Variants in C17orf75 observed in about 807,000 individuals in gnomAD.
The protein encoded by C17orf75 is chromosome 17 open reading frame 75.
C17orf75 carries 32 observed loss-of-function variants against 49.6 expected under a neutral mutation model. The observed-to-expected ratio is 0.65, with a 90% CI of 0.49 to 0.87. The LOEUF is 0.87. C17orf75 is among the 40% of genes least tolerant of loss of function. The pLI is 0.00. For missense variants in C17orf75, 428 were observed against 473.9 expected, an observed-to-expected ratio of 0.90 and a Z score of 0.90; for synonymous variants, 158 against 159.5, an observed-to-expected ratio of 0.99 and a Z score of 0.07.
chr17:32,347,894 T>C (rs975940403), intron 1 of C17orf75, among the ~76,000 whole-genome samples: 1 of 152,172 alleles, frequency 6.6e-6, no homozygotes, highest in Non-Finnish European at 1.5e-5. Flanking sequence ...TATTTTTTCA[T>C]AGAGATGGTC....
At chr17:32,342,359 T>G, upstream of C17orf75, 1 of 631,074 alleles carries the variant, frequency 1.6e-6, no homozygotes, top group East Asian at 3.9e-5. Context: ...GCTTTTACCA[T>G]TTATTTTGAA....
intron 1 of C17orf75, among the ~76,000 whole-genome samples, chr17:32,347,873 ATTTTTC>A (rs1413384557): frequency 6.6e-6 from 1 of 151,822 alleles, no homozygotes; most frequent in Non-Finnish European, 1.5e-5. Context: ...AAACTTTTTC[ATTTTTC>A]AATTTATTTT....
At chr17:32,348,166 CCCCACCA>C (rs2041440467) in intron 1 of C17orf75, among the ~76,000 whole-genome samples, 1 of 151,794 alleles carries the variant, frequency 6.6e-6, no homozygotes, top group African/African-American at 2.4e-5. Context: ...TACAGGCGTG[CCCCACCA>C]CGCCTGGCTA....
chr17:32,339,916 G>A lies in C17orf75; in HGVS notation c.244C>T (p.Leu82=). 6.2e-7 allele frequency: 1 copy of A among 1,614,014 alleles called. No homozygotes were observed. Residue 82 remains leucine, a synonymous_variant, in exon 3 of 10, where the codon CTA becomes TTA. Transcript: ENST00000577809. ...AGCTCTGGCTCCACTTCGGATGGTA[G>A]ATTAGTATCTGCCAAGGAGAGGCTT... The part of the protein sequence containing the change: ...DFSLSLADTN[L]PSEVEPELRS...
rs1485075091 is a variant in C17orf75, at chr17:32,331,956, A to C, written c.998T>G (p.Leu333Trp). ...KLKAIQDTNN[L>W]KRFIRQAEMN... ...TTCTGCCTGTCGGATAAATCTCTTC[A>C]AATTGTTTGTGTCTTGTATGGCCTA... The change falls in exon 10 of 10, where the codon TTG becomes TGG. Residue 333 changes from leucine (L) to tryptophan (W), a missense_variant. Coordinates refer to ENST00000577809, the MANE Select transcript of C17orf75 (RefSeq NM_022344.4). The C allele has an allele frequency of 6.2e-7, 1 of 1,612,584 alleles. No individual in the cohort carries two copies. The highest frequency in any genetic ancestry group is 8.5e-7 in the Non-Finnish European group (1 of 1,179,388).
In C17orf75 at chr17:32,329,585, C is replaced by T. The variant is rs2041258367; in HGVS notation, c.*2178G>A. Reference sequence around the variant, plus strand: ...CATTACAAAAATATATACAACCACACAGAGAATATGTAATTACACCTTGCC... The same window carrying T: ...CATTACAAAAATATATACAACCACATAGAGAATATGTAATTACACCTTGCC... On this transcript the variant is annotated 3_prime_UTR_variant, in exon 10 of 10. Transcript: ENST00000577809. The T allele has an allele frequency of 2.0e-5, 3 of 151,658 alleles. No homozygotes were observed. 9.4% of individuals were successfully genotyped at this position (151,658 alleles called of 1,614,324 possible). A position where few individuals can be genotyped will look rare whatever the true frequency, so the allele number is the denominator to read the frequency against.
At chr17:32,334,912 G>A in intron 6 of C17orf75, 73 bp from the exon 7 acceptor site, 1 of 1,179,794 alleles carries the variant, frequency 8.5e-7, no homozygotes, top group Non-Finnish European at 1.2e-6. Context: ...ATGACTAAAT[G>A]TCCCCATAAG....
Position 32,334,791 on chromosome 17 carries a change from T to C in C17orf75, c.718A>G (p.Lys240Glu), listed in dbSNP as rs753691500. The change falls in exon 7 of 10, where the codon AAG becomes GAG. Residue 240 changes from lysine (K) to glutamate (E), a missense_variant. By Grantham distance (56) the Lys-to-Glu change is moderately conservative (BLOSUM62 1). Coordinates refer to ENST00000577809, the MANE Select transcript of C17orf75 (RefSeq NM_022344.4). ...VEVKESDEKT[K>E]RDINRFLSVA... ...GTTCTTTACCTGTTAATGTCTCTCT[T>C]TGTTTTTTCATCTGATTCTTTAACT... 4 of 1,606,894 alleles carry C rather than the reference T, an allele frequency of 2.5e-6. No homozygotes were observed. The South Asian group carries it at 3.3e-5, about 13-fold the overall frequency.
chr17:32,340,407 G>A lies in C17orf75; in HGVS notation c.222-469C>T, dbSNP rs538124783. ...TGTAATCTCAGCACTTTGGGAGGCC[G>A]AGGCAGGTGGACCACAAGGTCAAGA... is the stretch of plus-strand genomic sequence containing the variant. On this transcript the variant is annotated intron_variant, in intron 2 of 9. Transcript: ENST00000577809. Among the ~76,000 whole-genome samples, 8 of 152,252 alleles carry A rather than the reference G, an allele frequency of 5.3e-5. No homozygotes were observed. In the East Asian group the frequency reaches 1.2e-3, roughly 22 times the overall value.
chr17:32,340,083 G>C, intron 2 of C17orf75, 145 bp from the exon 3 acceptor site: 1 of 866,324 alleles, frequency 1.2e-6, no homozygotes, highest in Non-Finnish European at 1.7e-6. Context: ...AGGCTTCTAG[G>C]AATGTATGTC....
intron 6 of C17orf75, 150 bp from the exon 7 acceptor site, chr17:32,334,989 C>T (rs939901312): frequency 2.9e-6 from 2 of 691,080 alleles, no homozygotes; most frequent in Non-Finnish European, 4.7e-6. Flanking sequence ...TGTTCAGCCA[C>T]TGCTCATTAA....
At chr17:32,336,981 C>A (rs2041331753) in intron 5 of C17orf75, among the ~76,000 whole-genome samples, 1 of 152,016 alleles carries the variant, frequency 6.6e-6, no homozygotes, top group Non-Finnish European at 1.5e-5. Flanking sequence ...TGGCAAAACC[C>A]CACCTCTACC....
intron 3 of C17orf75, among the ~76,000 whole-genome samples, chr17:32,338,775 T>A (rs2041350480): frequency 6.6e-6 from 1 of 152,114 alleles, no homozygotes; most frequent in Non-Finnish European, 1.5e-5. Flanking sequence ...AACTTCACGG[T>A]CTGAGTTGAA....
rs374029069 is a variant in C17orf75, at chr17:32,341,688, G to C, written c.140+312C>G. 6.0e-4 allele frequency: 338 copies of C among 563,162 alleles called. 1 individual carries two copies. In the African/African-American group the frequency reaches 6.3e-3, roughly 11 times the overall value. The allele number at this position is 563,162 out of a possible 1,614,324, so 34.9% of individuals were successfully genotyped here. On this transcript the variant is annotated intron_variant, in intron 1 of 9. Transcript: ENST00000577809. ...ACAGAAAGGAGAGGGGACGGGAACT[G>C]AAATTATTGAGCATGCGGGGCACTG...
chr17:32,341,349 C>T, intron 1 of C17orf75, 65 bp from the exon 2 acceptor site: 1 of 1,546,356 alleles, frequency 6.5e-7, no homozygotes, highest in Non-Finnish European at 8.9e-7. Flanking sequence ...GTATGGGGGC[C>T]TGGCAAGCAG....
At position 32,338,247 on chromosome 17, in the gene C17orf75, A is replaced by G. The variant is rs777939933; in HGVS notation, c.452T>C (p.Val151Ala). The change falls in exon 4 of 10, where the codon GTG becomes GCG. Residue 151 changes from valine to alanine, a missense_variant. Val to Ala is a moderately conservative substitution (Grantham distance 64). Transcript: ENST00000577809. The part of the protein sequence containing the change: ...IDSERNPSEY[V>A]VCFLGGSEKG... ...TTCAGACCCTCCTAAAAAACAGACC[A>G]CATATTCTGAAGGGTTACGTTCAGA... is the stretch of plus-strand genomic sequence containing the variant. 6.2e-7 allele frequency: 1 copy of G among 1,612,900 alleles called. No individual in the cohort carries two copies. Among genetic ancestry groups the G allele is most frequent in the Non-Finnish European group, 8.5e-7 (1 of 1,179,664 alleles).
chr17:32,348,518 T>C (rs1031616389), intron 1 of C17orf75, among the ~76,000 whole-genome samples: 2 of 152,212 alleles, frequency 1.3e-5, no homozygotes, highest in South Asian at 2.1e-4. Context: ...AGGTGCTCCA[T>C]GGATGTCTGC....
chr17:32,349,646 C>T (rs916398556), intron 1 of C17orf75, among the ~76,000 whole-genome samples: 3 of 152,148 alleles, frequency 2.0e-5, no homozygotes, highest in African/African-American at 7.2e-5. Context: ...ACTACCACTA[C>T]AGCCGCCCTA....
In C17orf75 at chr17:32,331,554, C is replaced by G. The variant is rs1249510370; in HGVS notation, c.*209G>C. 1.1e-5 allele frequency: 5 copies of G among 460,650 alleles called. No individual in the cohort carries two copies. The highest frequency in any genetic ancestry group is 1.9e-5 in the Non-Finnish European group (5 of 262,330). The allele number at this position is 460,650 out of a possible 1,614,324, so 28.5% of individuals were successfully genotyped here. ...TGGGGCCAGTGAGACACTAAAATTT[C>G]ACAACTCTCACATACATTATCTATC... is the stretch of plus-strand genomic sequence containing the variant. On this transcript the variant is annotated 3_prime_UTR_variant, in exon 10 of 10. Transcript: ENST00000577809.
Sources: gnomAD v4.1 joint callset for allele counts (sites outside exome capture counted in the v4.1 genomes callset) on GRCh38, gnomAD v4.1.1 for gene constraint, MANE v1.5 for transcripts, NCBI Gene and HGNC (gene_info 2026-07-23, HGNC 2026-07-21) for gene names.